GSE1: variants seen among roughly 807,000 people sequenced by gnomAD.
GSE1 encodes the protein Gse1 coiled-coil protein.
In GSE1, 32 loss-of-function variants were observed where a neutral mutation model predicts 112.6. The ratio of observed to expected loss-of-function variants is 0.28; its 90% CI spans 0.21 to 0.38. The LOEUF is 0.38. Among genes scored for constraint, GSE1 ranks in the 10% least tolerant of loss-of-function variants. The pLI is 1.00. For missense variants in GSE1, 2,348 were observed against 1,699.2 expected (o/e 1.38, Z -6.71); for synonymous variants, 1,115 against 735.6 (o/e 1.52, Z -8.35).
At chr16:85,235,970 C>T (rs1446454977) in intron 1 of GSE1, among the ~76,000 whole-genome samples, 4 of 143,486 alleles carry the variant, frequency 2.8e-5, no homozygotes, top group Non-Finnish European at 3.0e-5. Context: ...CCCCCTCCGG[C>T]GCCGGGCCTG....
At chr16:85,171,092 A>C in exon 1 of GSE1, 5 of 985,606 alleles carry the variant, frequency 5.1e-6, no homozygotes, top group Non-Finnish European at 6.0e-6. Flanking sequence ...CCCAACGCCC[A>C]GGGCCCCAAC....
intron 1 of GSE1, among the ~76,000 whole-genome samples, chr16:85,195,351 A>G (rs1214624849): frequency 6.6e-6 from 1 of 152,192 alleles, no homozygotes; most frequent in African/African-American, 2.4e-5. Flanking sequence ...GGAGGAAATC[A>G]GCAAGAACCA....
chr16:85,546,197 G>A (rs2044694543), intron 2 of GSE1, among the ~76,000 whole-genome samples: 2 of 152,188 alleles, frequency 1.3e-5, no homozygotes, highest in Non-Finnish European at 2.9e-5. Context: ...CAATTCTAGT[G>A]CCTCAGCCTC....
At chr16:85,272,739 T>C (rs55838652) in intron 1 of GSE1, among the ~76,000 whole-genome samples, 62,928 of 108,752 alleles carry the variant, frequency 0.58, 14,647 homozygotes, top group Middle Eastern at 0.65. Context: ...TTCTTGCTTG[T>C]TTGCTTGCTT....
At chr16:85,463,205 G>A (rs901870126) in intron 2 of GSE1, 3 of 681,318 alleles carry the variant, frequency 4.4e-6, no homozygotes, top group African/African-American at 1.9e-5. Flanking sequence ...CCACCCACCC[G>A]GGGCTGGAAC....
At chr16:85,616,371 A>G (rs1669698728) in intron 1 of GSE1, among the ~76,000 whole-genome samples, 1 of 152,216 alleles carries the variant, frequency 6.6e-6, no homozygotes. Flanking sequence ...CCCTGCCTCC[A>G]GGAGCTCGCA....
intron 2 of GSE1, among the ~76,000 whole-genome samples, chr16:85,454,698 G>A (rs984934152): frequency 3.3e-5 from 5 of 152,218 alleles, no homozygotes; most frequent in South Asian, 2.1e-4. Flanking sequence ...AGCTGCTGGC[G>A]GTGCCGGCCA....
chr16:85,489,435 T>C lies in GSE1; in HGVS notation c.2464+131792T>C, dbSNP rs1482631734. On this transcript the variant is annotated intron_variant, in intron 2 of 2. Transcript: ENST00000637419. The stretch of plus-strand genomic sequence containing the variant: ...CCAGCACCATCTGCCTCTGCAGTTC[T>C]CAGAACCGCTGCAGAAGCTCTCAAG... 3.9e-5 allele frequency among the ~76,000 whole-genome samples: 6 copies of C among 152,132 alleles called. No homozygotes were observed. In the East Asian group the frequency reaches 1.2e-3, roughly 30 times the overall value.
At chr16:85,292,180 C>A (rs1262117031) in intron 1 of GSE1, among the ~76,000 whole-genome samples, 1 of 151,642 alleles carries the variant, frequency 6.6e-6, no homozygotes, top group African/African-American at 2.4e-5. Flanking sequence ...TCACTGTCAC[C>A]CAGGCTGGAG....
chr16:85,611,156 C>T (rs1234524481), upstream of GSE1, among the ~76,000 whole-genome samples: 1 of 152,184 alleles, frequency 6.6e-6, no homozygotes, highest in African/African-American at 2.4e-5. Context: ...CCCCTCCCCC[C>T]GCAGCTTGTA....
At chr16:85,445,332 C>A (rs1172724524) in intron 2 of GSE1, among the ~76,000 whole-genome samples, 1 of 152,220 alleles carries the variant, frequency 6.6e-6, no homozygotes, top group African/African-American at 2.4e-5. Context: ...CCAGCGAACC[C>A]CCCCACTCTG....
chr16:85,269,352 C>T (rs1395677128), intron 1 of GSE1, among the ~76,000 whole-genome samples: 3 of 149,178 alleles, frequency 2.0e-5, no homozygotes, highest in African/African-American at 7.3e-5. Flanking sequence ...GGGAGGCGAG[C>T]GTAATTGACT....
intron 2 of GSE1, among the ~76,000 whole-genome samples, chr16:85,461,196 G>T (rs960415250): frequency 6.6e-6 from 1 of 152,240 alleles, no homozygotes; most frequent in Admixed American, 6.5e-5. Context: ...GACATTTGGG[G>T]TTGGCTGATT....
intron 1 of GSE1, among the ~76,000 whole-genome samples, chr16:85,319,010 T>C (rs1192312645): frequency 6.6e-6 from 1 of 152,158 alleles, no homozygotes; most frequent in Non-Finnish European, 1.5e-5. Flanking sequence ...TGGTGTCTGG[T>C]GTCCTTTGGA....
intron 1 of GSE1, among the ~76,000 whole-genome samples, chr16:85,220,833 C>T (rs1419464470): frequency 1.3e-5 from 2 of 152,156 alleles, no homozygotes; most frequent in South Asian, 4.1e-4. Context: ...GATTCACTCT[C>T]TCCCACCACT....
chr16:85,635,502 T>C (rs1192718570), intron 2 of GSE1, among the ~76,000 whole-genome samples: 1 of 136,186 alleles, frequency 7.3e-6, no homozygotes, highest in Non-Finnish European at 1.7e-5. Flanking sequence ...GGAGGCATCC[T>C]GGACTCTCTG....
intron 2 of GSE1, among the ~76,000 whole-genome samples, chr16:85,522,656 G>A (rs975394813): frequency 5.8e-4 from 88 of 152,204 alleles, no homozygotes; most frequent in Non-Finnish European, 4.7e-4. Flanking sequence ...TTCACAGCAG[G>A]CCGGCTCCGA....
chr16:85,407,819 T>C (rs1306042263), intron 2 of GSE1, among the ~76,000 whole-genome samples: 1 of 8,806 alleles, frequency 1.1e-4, no homozygotes, highest in African/African-American at 4.6e-4. Flanking sequence ...TAATCCTCAT[T>C]GTTACACTCA....
intron 1 of GSE1, among the ~76,000 whole-genome samples, chr16:85,331,495 A>G (rs1027487840): frequency 1.6e-5 from 2 of 121,874 alleles, no homozygotes; most frequent in South Asian, 2.8e-4. Flanking sequence ...ATATATGTGT[A>G]TATGTGTATA....
Sources: gnomAD v4.1 joint callset for allele counts (sites outside exome capture counted in the v4.1 genomes callset) on GRCh38, gnomAD v4.1.1 for gene constraint, MANE v1.5 for transcripts, NCBI Gene and HGNC (gene_info 2026-07-23, HGNC 2026-07-21) for gene names.